Variants in TYRP1 observed in about 807,000 individuals in gnomAD.
The protein encoded by TYRP1 is tyrosinase related protein 1.
Under a neutral mutation model 42.8 loss-of-function variants are expected in TYRP1, and 49 were observed. That is an observed-to-expected ratio of 1.14 (90% CI 0.91 to 1.45). The LOEUF (loss-of-function observed/expected upper bound fraction) is 1.45. Among genes scored for constraint, TYRP1 ranks in the 40% most tolerant of loss-of-function variants. The probability of loss-of-function intolerance (pLI) is 0.00; values close to 1 mark genes in which losing one functional copy is unlikely to be tolerated. For synonymous variants in TYRP1, 279 were observed against 235.4 expected (o/e 1.19, Z -1.69); for missense variants, 848 against 662.0 (o/e 1.28, Z -3.08).
At chr9:12,702,020 G>A (rs1232605764) in intron 4 of TYRP1, among the ~76,000 whole-genome samples, 1 of 151,882 alleles carries the variant, frequency 6.6e-6, no homozygotes, top group African/African-American at 2.4e-5. Flanking sequence ...ATCAACACCT[G>A]TATCTGTTAG....
intron 7 of TYRP1, 53 bp downstream of exon 7, chr9:12,708,196 T>TATC (rs1416737151): frequency 4.3e-5 from 69 of 1,597,980 alleles, no homozygotes; most frequent in Middle Eastern, 3.3e-4. Context: ...GCAAATGTGT[T>TATC]ATCTTTCAAG....
At chr9:12,703,575 G>T (rs947714732) in intron 5 of TYRP1, among the ~76,000 whole-genome samples, 3 of 151,582 alleles carry the variant, frequency 2.0e-5, no homozygotes, top group African/African-American at 7.3e-5. Context: ...GTCAAGCCAC[G>T]TTCCATATAT....
In TYRP1 at chr9:12,697,333, A is replaced by T. The variant is rs548235730; in HGVS notation, c.709-1118A>T. On this transcript the variant is annotated intron_variant, in intron 3 of 7. Coordinates refer to ENST00000388918, the MANE Select transcript of TYRP1 (RefSeq NM_000550.3). ...ATGTAATTCGTGGTTGAAATGCCACATGAATATGCTCTGGCTCCCAAATGT... is the reference window on the plus strand; with the variant it reads ...ATGTAATTCGTGGTTGAAATGCCACTTGAATATGCTCTGGCTCCCAAATGT... Among the ~76,000 whole-genome samples, 5 of 152,280 alleles carry T rather than the reference A, an allele frequency of 3.3e-5. No homozygotes were observed. The East Asian group carries it at 7.7e-4, about 24-fold the overall frequency.
intron 3 of TYRP1, among the ~76,000 whole-genome samples, chr9:12,696,702 C>T (rs1818084774): frequency 6.6e-6 from 1 of 152,032 alleles, no homozygotes; most frequent in African/African-American, 2.4e-5. Context: ...ATTCTTTACT[C>T]TTATTTCTTT....
intron 1 of TYRP1, 149 bp from the exon 2 acceptor site, chr9:12,693,763 A>C: frequency 2.0e-6 from 1 of 495,964 alleles, no homozygotes; most frequent in Non-Finnish European, 3.6e-6. Context: ...TTTAAAGGTA[A>C]AATTTGTGTG....
chr9:12,702,319 G>A lies in TYRP1; in HGVS notation c.962G>A (p.Arg321Lys). 6.2e-7 allele frequency: 1 copy of A among 1,613,210 alleles called. No homozygotes were observed. The highest frequency in any genetic ancestry group is 2.2e-5 in the East Asian group (1 of 44,832). The change falls in exon 5 of 8, where the codon AGA becomes AAA. Residue 321 changes from arginine (R) to lysine (K), a missense_variant. Coordinates refer to ENST00000388918, the MANE Select transcript of TYRP1 (RefSeq NM_000550.3). ...IRRNPAGNVA[R>K]PMVQRLPEPQ... is the part of the protein sequence containing the mutation. ...AGAAATCCAGCTGGAAATGTGGCCA[G>A]ACCAATGGTGCAACGTCTTCCTGAA...
In TYRP1 at chr9:12,709,024, G is replaced by T; in HGVS notation, c.1456G>T (p.Ala486Ser). 5 of 1,612,626 alleles carry T rather than the reference G, an allele frequency of 3.1e-6. No homozygotes were observed. The highest frequency in any genetic ancestry group is 4.2e-6 in the Non-Finnish European group (5 of 1,179,182). The stretch of plus-strand genomic sequence containing the variant: ...GATAATTGCCATAGCAGTAGTTGGC[G>T]CTTTGTTACTGGTTGCACTCATTTT... Reference protein sequence around the residue: ...PEIIAIAVVGALLLVALIFGT... With the variant: ...PEIIAIAVVGSLLLVALIFGT... Residue 486 changes from alanine to serine, a missense_variant, in exon 8 of 8, where the codon GCT (alanine) becomes TCT (serine). Physicochemically the swap from Ala to Ser is moderately conservative, Grantham distance 99. Coordinates refer to ENST00000388918, the MANE Select transcript of TYRP1 (RefSeq NM_000550.3).
In TYRP1 at chr9:12,708,139, G is replaced by T. The variant is rs1448465576; in HGVS notation, c.1404G>T (p.Trp468Cys). 1 of 1,612,504 alleles carries T rather than the reference G, an allele frequency of 6.2e-7. No homozygotes were observed. The highest frequency in any genetic ancestry group is 1.7e-5 in the Admixed American group (1 of 59,776). Residue 468 changes from tryptophan (W) to cysteine (C), a missense_variant, in exon 7 of 8, where the codon TGG becomes TGT. Coordinates refer to ENST00000388918, the MANE Select transcript of TYRP1 (RefSeq NM_000550.3). ...TGGGATACACTTATGAAATTCAATGGCCAAGTGAGTGTTGAAAGTGTATTT... is the reference window on the plus strand; with the variant it reads ...TGGGATACACTTATGAAATTCAATGTCCAAGTGAGTGTTGAAAGTGTATTT... Reference protein sequence around the residue: ...DNLGYTYEIQWPSREFSVPEI... With the variant: ...DNLGYTYEIQCPSREFSVPEI...
intron 2 of TYRP1, 54 bp downstream of exon 2, chr9:12,694,435 A>T: frequency 6.3e-7 from 1 of 1,598,328 alleles, no homozygotes; most frequent in African/African-American, 1.3e-5. Flanking sequence ...CAAGGCTCTT[A>T]ATAAAATCTT....
At position 12,695,833 on chromosome 9, in the gene TYRP1, T is replaced by G; in HGVS notation, c.704T>G (p.Met235Arg). 2 of 1,613,970 alleles carry G rather than the reference T, an allele frequency of 1.2e-6. No individual in the cohort carries two copies. Among genetic ancestry groups the G allele is most frequent in the Non-Finnish European group, 1.7e-6 (2 of 1,179,970 alleles). ...CACCTCCTGCGTCTGGAGAAAGACA[T>G]GCAGGTATGTAAGAAGCATTTCAGT... is the stretch of plus-strand genomic sequence containing the variant. ...RYHLLRLEKD[M>R]QEMLQEPSFS... The change falls in exon 3 of 8, where the codon ATG becomes AGG. Residue 235 changes from methionine to arginine, a missense_variant. By Grantham distance (91) the Met-to-Arg change is moderately conservative (BLOSUM62 -1). Coordinates refer to ENST00000388918, the MANE Select transcript of TYRP1 (RefSeq NM_000550.3).
chr9:12,707,742 G>A (rs1245168778), intron 6 of TYRP1: 2 of 406,194 alleles, frequency 4.9e-6, no homozygotes, highest in Non-Finnish European at 8.7e-6. Flanking sequence ...CACCATAGGT[G>A]ATGAAATACT....
chr9:12,694,578 T>G, intron 2 of TYRP1, 197 bp downstream of exon 2: 2 of 655,050 alleles, frequency 3.1e-6, no homozygotes, highest in Non-Finnish European at 5.1e-6. Flanking sequence ...GCTCAGAACT[T>G]CTGATCAATA....
chr9:12,702,177 AT>A, intron 4 of TYRP1, 93 bp from the exon 5 acceptor site: 8 of 1,335,112 alleles, frequency 6.0e-6, no homozygotes, highest in Non-Finnish European at 8.4e-6. Context: ...GAAAACCTAT[AT>A]TTCATATTCA....
intron 3 of TYRP1, among the ~76,000 whole-genome samples, chr9:12,696,272 G>A (rs975123903): frequency 2.0e-5 from 3 of 151,980 alleles, no homozygotes; most frequent in East Asian, 1.9e-4. Flanking sequence ...TCATTCCAGC[G>A]ATGATTCCCT....
intron 4 of TYRP1, among the ~76,000 whole-genome samples, chr9:12,700,951 T>A (rs913067129): frequency 1.3e-5 from 2 of 152,058 alleles, no homozygotes; most frequent in Non-Finnish European, 2.9e-5. Flanking sequence ...GTTCTGATTA[T>A]TACGTTAATT....
intron 6 of TYRP1, among the ~76,000 whole-genome samples, chr9:12,705,185 T>A (rs1818238429): frequency 6.6e-6 from 1 of 152,074 alleles, no homozygotes; most frequent in African/African-American, 2.4e-5. Flanking sequence ...AATGTTGGCT[T>A]TTATATCACA....
chr9:12,697,878 G>C (rs527913183), intron 3 of TYRP1, among the ~76,000 whole-genome samples: 19 of 152,190 alleles, frequency 1.2e-4, no homozygotes, highest in Non-Finnish European at 2.4e-4. Flanking sequence ...TCTAAGGCAG[G>C]GTTCCCTAAA....
In TYRP1 at chr9:12,699,496, C is replaced by G. The variant is rs896411897; in HGVS notation, c.913+841C>G. ...GAATTTGTTTTCTTATTATAATCAC[C>G]ACATACTTATTCTACATGTATTATT... On this transcript the variant is annotated intron_variant, in intron 4 of 7. Coordinates refer to ENST00000388918, the MANE Select transcript of TYRP1 (RefSeq NM_000550.3). Among the ~76,000 whole-genome samples, 4 of 150,804 alleles carry G rather than the reference C, an allele frequency of 2.7e-5. No individual in the cohort carries two copies. In the Admixed American group the frequency reaches 2.7e-4, roughly 10 times the overall value.
At chr9:12,704,461 C>CTAT in intron 5 of TYRP1, 65 bp from the exon 6 acceptor site, 1 of 1,555,448 alleles carries the variant, frequency 6.4e-7, no homozygotes, top group Non-Finnish European at 8.7e-7. Context: ...ATAATCATTG[C>CTAT]TATTACCTGG....
Sources: allele counts gnomAD v4.1 joint callset (sites outside exome capture counted in the v4.1 genomes callset), GRCh38; gene constraint gnomAD v4.1.1; transcripts MANE v1.5; gene names NCBI Gene and HGNC (gene_info 2026-07-23, HGNC 2026-07-21).